The following HSPA4L variants were observed in gnomAD, a reference collection of about 807,000 sequenced individuals.
HSPA4L encodes the protein heat shock 70 kDa protein 4L.
In HSPA4L, 48 loss-of-function variants were observed where a neutral mutation model predicts 100.3. The observed-to-expected ratio is 0.48, with a 90% CI of 0.38 to 0.61. The LOEUF is 0.61. HSPA4L is among the 20% of genes least tolerant of loss of function. The pLI, the probability that HSPA4L is intolerant of heterozygous loss-of-function variation, is 0.00. For missense variants in HSPA4L, 886 were observed against 988.6 expected (o/e 0.90, Z 1.39); for synonymous variants, 319 against 328.2 (o/e 0.97, Z 0.30).
chr4:127,830,938 T>A (rs952754656), intron 18 of HSPA4L, 139 bp downstream of exon 18: 4 of 566,658 alleles, frequency 7.1e-6, no homozygotes, highest in African/African-American at 3.9e-5. Context: ...AGTTAAAAAA[T>A]TTTAAGATTT....
In HSPA4L at chr4:127,838,121, CAT is replaced by C. The variant is rs1213187919; in HGVS notation, c.*5248_*5249del. On this transcript the variant is annotated 3_prime_UTR_variant, in exon 19 of 19. Transcript: ENST00000296464. The stretch of plus-strand genomic sequence containing the variant: ...CCTGGCCAATGTTCTTTTATATACT[CAT>C]GTTTTCTAACAAAACAGCTTTGGAT... 1.2e-4 allele frequency: 18 copies of C among 152,104 alleles called. No homozygotes were observed. The highest frequency in any genetic ancestry group is 1.2e-3 in the Admixed American group (18 of 15,254). The allele number at this position is 152,104 out of a possible 1,614,324, so 9.4% of individuals were successfully genotyped here.
chr4:127,799,633 T>C (rs1444070916), intron 4 of HSPA4L, among the ~76,000 whole-genome samples: 1 of 152,226 alleles, frequency 6.6e-6, no homozygotes, highest in East Asian at 1.9e-4. Context: ...ATTTTAAAGA[T>C]TCGTCTTAAA....
At chr4:127,801,725 T>C in intron 5 of HSPA4L, 60 bp from the exon 6 acceptor site, 1 of 1,394,666 alleles carries the variant, frequency 7.2e-7, no homozygotes, top group African/African-American at 1.4e-5. Context: ...CAAAGTGACA[T>C]TTCTTGTTTT....
rs1357962935 is a variant in HSPA4L, at chr4:127,801,787, G to A, written c.532G>A (p.Ala178Thr). Residue 178 changes from alanine to threonine, a missense_variant and splice_region_variant, in exon 6 of 19, where the codon GCA (alanine) becomes ACA (threonine). By Grantham distance (58) the Ala-to-Thr change is moderately conservative. Coordinates refer to ENST00000296464, the MANE Select transcript of HSPA4L (RefSeq NM_014278.4). ...CATAATTCTTTGTTCTTATACAGTT[G>A]CACTGGCGTATGGAATTTATAAACA... ...LRLMNETTAV[A>T]LAYGIYKQDL... 6.2e-7 allele frequency: 1 copy of A among 1,600,030 alleles called. No individual in the cohort carries two copies. The highest frequency in any genetic ancestry group is 8.5e-7 in the Non-Finnish European group (1 of 1,174,776).
At chr4:127,808,902 G>A (rs143109370) in intron 11 of HSPA4L, among the ~76,000 whole-genome samples, 349 of 152,218 alleles carry the variant, frequency 2.3e-3, no homozygotes, top group African/African-American at 7.8e-3. Flanking sequence ...CAGCCTAGGC[G>A]ACACAGTGAG....
chr4:127,813,013 C>T, intron 12 of HSPA4L: 1 of 893,768 alleles, frequency 1.1e-6, no homozygotes, highest in East Asian at 2.4e-5. Context: ...ATTGTAGACT[C>T]TTCCAGTTTT....
At position 127,803,646 on chromosome 4, in the gene HSPA4L, T is replaced by C. The variant is rs976051443; in HGVS notation, c.681T>C (p.Phe227=). The C allele has an allele frequency of 1.2e-6, 2 of 1,613,404 alleles. No homozygotes were observed. The highest frequency in any genetic ancestry group is 1.7e-6 in the Non-Finnish European group (2 of 1,179,704). ...KGKLKVLATT[F]DPYLGGRNFD... The stretch of plus-strand genomic sequence containing the variant: ...TTAAACAGGTCTTGGCTACTACCTT[T>C]GATCCATATTTGGGTGGCAGGAACT... The change falls in exon 7 of 19, where the codon TTT becomes TTC. Residue 227 remains phenylalanine, a synonymous_variant. Transcript: ENST00000296464.
At chr4:127,802,007 C>T in intron 6 of HSPA4L, 89 bp downstream of exon 6, 1 of 1,010,258 alleles carries the variant, frequency 9.9e-7, no homozygotes, top group South Asian at 2.1e-5. Context: ...CTGGCTCTGC[C>T]CCTTAAACTA....
chr4:127,825,823 G>T (rs1421675048), intron 16 of HSPA4L, among the ~76,000 whole-genome samples: 1 of 151,372 alleles, frequency 6.6e-6, no homozygotes, highest in African/African-American at 2.4e-5. Flanking sequence ...CTACTCAGGA[G>T]ACTGAGGCAG....
At chr4:127,807,041 T>C (rs1311784560) in intron 10 of HSPA4L, among the ~76,000 whole-genome samples, 2 of 151,848 alleles carry the variant, frequency 1.3e-5, no homozygotes, top group African/African-American at 2.4e-5. Flanking sequence ...CAGAAAAAAA[T>C]TGTAAGAAAA....
chr4:127,813,688 G>A (rs1334304250), intron 12 of HSPA4L, among the ~76,000 whole-genome samples: 1 of 152,140 alleles, frequency 6.6e-6, no homozygotes, highest in African/African-American at 2.4e-5. Flanking sequence ...TGTTGCCCAG[G>A]CTGGAGTGCA....
chr4:127,801,069 A>G (rs1733160948), intron 4 of HSPA4L, 69 bp from the exon 5 acceptor site: 1 of 1,120,384 alleles, frequency 8.9e-7, no homozygotes, highest in East Asian at 2.4e-5. Flanking sequence ...GTTTTAGGGT[A>G]ATTATATTTT....
At chr4:127,816,085 C>T (rs962948834) in intron 12 of HSPA4L, among the ~76,000 whole-genome samples, 1 of 152,024 alleles carries the variant, frequency 6.6e-6, no homozygotes, top group Non-Finnish European at 1.5e-5. Context: ...GTAAATCAAG[C>T]GACAAATCGG....
chr4:127,786,088 G>C (rs114047959), intron 1 of HSPA4L, among the ~76,000 whole-genome samples: 1 of 152,172 alleles, frequency 6.6e-6, no homozygotes, highest in Admixed American at 6.5e-5. Context: ...AAATTAAAGC[G>C]TGTGGTAAAT....
At chr4:127,828,128 T>C (rs561427948) in intron 17 of HSPA4L, among the ~76,000 whole-genome samples, 16 of 152,254 alleles carry the variant, frequency 1.1e-4, no homozygotes, top group African/African-American at 3.4e-4. Flanking sequence ...AAAAGTACCA[T>C]AGACAATACA....
In HSPA4L at chr4:127,820,409, TTC is replaced by T. The variant is rs760073615; in HGVS notation, c.1675-15_1675-14del. 8 of 1,564,168 alleles carry T rather than the reference TTC, an allele frequency of 5.1e-6. No homozygotes were observed. In the African/African-American group the frequency reaches 6.9e-5, roughly 14 times the overall value. ...TTAAGCTAATTTTAGAAATTTATAC[TTC>T]TCTTTCGGATTTGCAGTCAGCTGTC... On this transcript the variant is annotated splice_polypyrimidine_tract_variant and intron_variant, in intron 13 of 18. Coordinates refer to ENST00000296464, the MANE Select transcript of HSPA4L (RefSeq NM_014278.4).
At chr4:127,782,269 C>G (rs1399108068), upstream of HSPA4L, 2 of 441,584 alleles carry the variant, frequency 4.5e-6, no homozygotes, top group African/African-American at 2.1e-5. Context: ...CCCGGGCAGC[C>G]GAGCGCGCAG....
intron 14 of HSPA4L, 130 bp downstream of exon 14, chr4:127,820,695 A>G (rs1733788683): frequency 2.5e-6 from 2 of 795,758 alleles, no homozygotes; most frequent in South Asian, 1.9e-5. Flanking sequence ...GTAGATTACT[A>G]AACTATTTTT....
intron 12 of HSPA4L, chr4:127,813,285 A>G: frequency 7.0e-6 from 5 of 713,530 alleles, no homozygotes; most frequent in South Asian, 6.3e-5. Flanking sequence ...CCCTTTTTTT[A>G]AGGTTGCTTT....
Sources: gnomAD v4.1 joint callset for allele counts (sites outside exome capture counted in the v4.1 genomes callset) on GRCh38, gnomAD v4.1.1 for gene constraint, MANE v1.5 for transcripts, NCBI Gene and HGNC (gene_info 2026-07-23, HGNC 2026-07-21) for gene names.